The following LLGL1 variants were observed in gnomAD, a reference collection of about 807,000 sequenced individuals.
LLGL1 encodes the protein LLGL scribble cell polarity complex component 1, also known as lethal(2) giant larvae protein homolog 1.
In LLGL1, 58 loss-of-function variants were observed where a neutral mutation model predicts 110.6. The observed-to-expected ratio is 0.52, with a 90% CI of 0.42 to 0.65. The LOEUF is 0.65. Among genes scored for constraint, LLGL1 ranks in the 30% least tolerant of loss-of-function variants. LLGL1 has a pLI of 0.00. For missense variants in LLGL1, 1,229 were observed against 1,462.1 expected, an observed-to-expected ratio of 0.84 and a Z score of 2.60; for synonymous variants, 674 against 607.2, an observed-to-expected ratio of 1.11 and a Z score of -1.62.
rs761027899 is a variant in LLGL1 at position 18,234,918 on chromosome 17, G to A, written c.985G>A (p.Glu329Lys). ...CCACTGTGTAAGTGTGCTTCGAGCC[G>A]AGACATTGGTGACGCTGGACTTCAC... is the stretch of plus-strand genomic sequence containing the variant. ...DRHCVSVLRA[E>K]TLVTLDFTSR... The change falls in exon 9 of 23, where the codon GAG (glutamate) becomes AAG (lysine). Residue 329 changes from glutamate (E) to lysine (K), a missense_variant. Transcript: ENST00000316843. 33 of 1,613,936 alleles carry A rather than the reference G, an allele frequency of 2.0e-5. No homozygotes were observed. Among genetic ancestry groups the A allele is most frequent in the Admixed American group, 3.3e-5 (2 of 59,984 alleles).
intron 22 of LLGL1, among the ~76,000 whole-genome samples, chr17:18,243,380 T>C (rs2047897064): frequency 1.3e-5 from 2 of 152,236 alleles, no homozygotes; most frequent in African/African-American, 2.4e-5. Flanking sequence ...GTCCTGGGAT[T>C]ACAGGCGTGA....
rs1567688670 is a variant in LLGL1 at position 18,234,049 on chromosome 17, C to T, written c.588C>T (p.Gly196=). Residue 196 remains glycine (G), a synonymous_variant, in exon 6 of 23, where the codon GGC becomes GGT. Transcript: ENST00000316843. The stretch of plus-strand genomic sequence containing the variant: ...ACTACCGCTGTGGGAAGGCACTGGG[C>T]CCCGTGGAGTCACTCCAGGGACACC... The part of the protein sequence containing the change: ...PDDYRCGKAL[G]PVESLQGHLR... The T allele has an allele frequency of 2.5e-6, 4 of 1,600,276 alleles. No individual in the cohort carries two copies. Among genetic ancestry groups the T allele is most frequent in the East Asian group, 2.2e-5 (1 of 44,604 alleles).
At position 18,243,998 on chromosome 17, in the gene LLGL1, A is replaced by G. The variant is rs879172892; in HGVS notation, c.*92A>G. 25 of 152,598 alleles carry G rather than the reference A, an allele frequency of 1.6e-4. No individual in the cohort carries two copies. Among genetic ancestry groups the G allele is most frequent in the Admixed American group, 1.1e-3 (17 of 15,294 alleles). The allele number at this position is 152,598 out of a possible 1,614,324, so 9.5% of individuals were successfully genotyped here. ...CTGCCTGGCCCCTTAACATAGAACC[A>G]CGCCTGCTAACCTGTAGGCTCCACT... On this transcript the variant is annotated 3_prime_UTR_variant, in exon 23 of 23. Coordinates refer to ENST00000316843, the MANE Select transcript of LLGL1 (RefSeq NM_004140.4).
At chr17:18,237,861 C>T in intron 14 of LLGL1, 88 bp downstream of exon 14, 2 of 1,436,142 alleles carry the variant, frequency 1.4e-6, no homozygotes, top group South Asian at 2.6e-5. Context: ...TTTGGTGTGG[C>T]AAAGGCCACT....
intron 15 of LLGL1, 95 bp downstream of exon 15, chr17:18,238,309 T>C: frequency 1.3e-6 from 2 of 1,582,652 alleles, no homozygotes; most frequent in Non-Finnish European, 1.7e-6. Flanking sequence ...AGCTCAGTGC[T>C]CCTCCCTCGG....
intron 11 of LLGL1, 122 bp downstream of exon 11, chr17:18,235,659 T>C (rs1441769940): frequency 1.1e-6 from 1 of 908,996 alleles, no homozygotes; most frequent in African/African-American, 1.7e-5. Flanking sequence ...GACCAGGTAG[T>C]TCCTCCTTGC....
At chr17:18,226,485 A>T (rs888670910) in intron 1 of LLGL1, among the ~76,000 whole-genome samples, 1 of 151,978 alleles carries the variant, frequency 6.6e-6, no homozygotes, top group Non-Finnish European at 1.5e-5. Context: ...TCCTTCCCCC[A>T]CTGCTCCAGG....
Position 18,240,838 on chromosome 17 carries a change from C to A in LLGL1, c.2467C>A (p.His823Asn). 6.4e-7 allele frequency: 1 copy of A among 1,559,136 alleles called. No homozygotes were observed. The highest frequency in any genetic ancestry group is 8.7e-7 in the Non-Finnish European group (1 of 1,148,290). The change falls in exon 17 of 23, where the codon CAC becomes AAC. Residue 823 changes from histidine (H) to asparagine (N), a missense_variant. Transcript: ENST00000316843. This position sits in a 1 kb window ranked among gnomAD's most constrained non-coding sequence, Gnocchi z 5.3. ...GCAGGCACCTGACATGCAGGGTGGTCACGCTGTGCTCATCGCATCTGAGGA... is the reference window on the plus strand; with the variant it reads ...GCAGGCACCTGACATGCAGGGTGGTAACGCTGTGCTCATCGCATCTGAGGA... ...LAQAPDMQGG[H>N]AVLIASEEQF...
rs1015175130 is a variant in LLGL1, at chr17:18,230,127, C to G, written c.179+89C>G. On this transcript the variant is annotated intron_variant, in intron 2 of 22. Transcript: ENST00000316843. The stretch of plus-strand genomic sequence containing the variant: ...TCTGGGGTCCCAGTCTTGGCAGTGT[C>G]CAGCTCGAGAGGAGGACAGAGGTGC... 4.9e-6 allele frequency: 5 copies of G among 1,029,640 alleles called. No homozygotes were observed. The African/African-American group carries it at 7.9e-5, about 16-fold the overall frequency. The allele number at this position is 1,029,640 out of a possible 1,614,324, so 63.8% of individuals were successfully genotyped here.
rs574005586 is a variant in LLGL1 at position 18,244,158 on chromosome 17, A to C, written c.*252A>C. ...GCCCTGGGGGCCCACTGCCTAGGGA[A>C]GAGGACAGGTGGGGCCCAGCACCTG... On this transcript the variant is annotated 3_prime_UTR_variant, in exon 23 of 23. Coordinates refer to ENST00000316843, the MANE Select transcript of LLGL1 (RefSeq NM_004140.4). 1 of 152,158 alleles carries C rather than the reference A, an allele frequency of 6.6e-6. No homozygotes were observed. Among genetic ancestry groups the C allele is most frequent in the East Asian group, 1.9e-4 (1 of 5,164 alleles). 9.4% of individuals were successfully genotyped at this position (152,158 alleles called of 1,614,324 possible). A position where few individuals can be genotyped will look rare whatever the true frequency, so the allele number is the denominator to read the frequency against.
At position 18,236,679 on chromosome 17, in the gene LLGL1, A is replaced by G; in HGVS notation, c.1425A>G (p.Thr475=). The change falls in exon 12 of 23, where the codon ACA becomes ACG. Residue 475 remains threonine, a synonymous_variant. Transcript: ENST00000316843. ...TGCGGCCGCTCTATAAGCTGAGCAC[A>G]GCTGGCCTCTTCCAGACAGACTGTG... ...VALRPLYKLS[T]AGLFQTDCEH... 2.5e-6 allele frequency: 4 copies of G among 1,612,912 alleles called. No individual in the cohort carries two copies. The highest frequency in any genetic ancestry group is 2.2e-5 in the East Asian group (1 of 44,874).
intron 1 of LLGL1, among the ~76,000 whole-genome samples, chr17:18,228,826 ACTGAAG>A (rs1336797885): frequency 6.6e-6 from 1 of 152,022 alleles, no homozygotes; most frequent in Non-Finnish European, 1.5e-5. Flanking sequence ...CAGATGAGAG[ACTGAAG>A]CTTGGAGAGT....
chr17:18,233,819 T>C lies in LLGL1; in HGVS notation c.434T>C (p.Val145Ala), dbSNP rs1478042049. The C allele has an allele frequency of 1.2e-6, 2 of 1,613,818 alleles. No individual in the cohort carries two copies. Among genetic ancestry groups the C allele is most frequent in the Non-Finnish European group, 1.7e-6 (2 of 1,179,986 alleles). ...ACCCGAGTCACAGTGGTCCTGCTGG[T>C]GGCTGCCAGCGACATAGCAGCCCTG... is the stretch of plus-strand genomic sequence containing the variant. ...SLTRVTVVLL[V>A]AASDIAALGT... Residue 145 changes from valine to alanine, a missense_variant, in exon 5 of 23, where the codon GTG (valine) becomes GCG (alanine). Transcript: ENST00000316843.
At chr17:18,226,379 G>A (rs2047443623) in intron 1 of LLGL1, among the ~76,000 whole-genome samples, 1 of 152,156 alleles carries the variant, frequency 6.6e-6, no homozygotes, top group Admixed American at 6.5e-5. Flanking sequence ...GGCCCGGTTT[G>A]TTTTGTGCTT....
chr17:18,232,492 C>G lies in LLGL1; in HGVS notation c.180-3C>G. ...TATTTCCACCTTGACCTGCCACCCT[C>G]AGCTATGGTGCACCTGGCGTGGAGT... is the stretch of plus-strand genomic sequence containing the variant. On this transcript the variant is annotated splice_polypyrimidine_tract_variant and splice_region_variant and intron_variant, in intron 2 of 22. Coordinates refer to ENST00000316843, the MANE Select transcript of LLGL1 (RefSeq NM_004140.4). 1.2e-6 allele frequency: 2 copies of G among 1,613,086 alleles called. No homozygotes were observed. The highest frequency in any genetic ancestry group is 4.5e-5 in the East Asian group (2 of 44,858).
intron 20 of LLGL1, 40 bp downstream of exon 20, chr17:18,242,318 G>C: frequency 6.3e-7 from 1 of 1,578,070 alleles, no homozygotes; most frequent in African/African-American, 1.3e-5. Context: ...CTGGCCCCAC[G>C]GTGCCCTGGG....
chr17:18,233,505 T>A (rs2047615643), intron 4 of LLGL1, among the ~76,000 whole-genome samples: 2 of 152,170 alleles, frequency 1.3e-5, no homozygotes, highest in African/African-American at 4.8e-5. Flanking sequence ...AGTGCCCTGG[T>A]TCCTGCTGTC....
rs2047919103 is a variant in LLGL1, at chr17:18,243,961, G to A, written c.*55G>A. 2 of 152,796 alleles carry A rather than the reference G, an allele frequency of 1.3e-5. No individual in the cohort carries two copies. The highest frequency in any genetic ancestry group is 2.9e-5 in the Non-Finnish European group (2 of 68,504). The allele number at this position is 152,796 out of a possible 1,614,324, so 9.5% of individuals were successfully genotyped here. The stretch of plus-strand genomic sequence containing the variant: ...TGCCCTGCTCGGAGCTGGAGTGCTG[G>A]ATCCCTGGCACCTGCCTGGCCCCTT... On this transcript the variant is annotated 3_prime_UTR_variant, in exon 23 of 23. Coordinates refer to ENST00000316843, the MANE Select transcript of LLGL1 (RefSeq NM_004140.4).
At position 18,232,786 on chromosome 17, in the gene LLGL1, G is replaced by A. The variant is rs768529419; in HGVS notation, c.376G>A (p.Gly126Ser). Residue 126 changes from glycine to serine, a missense_variant, in exon 4 of 23, where the codon GGC (glycine) becomes AGC (serine). Physicochemically the swap from Gly to Ser is moderately conservative, Grantham distance 56. Transcript: ENST00000316843. ...ALSFQLPSRP[G>S]FDGASAPLSL... ...CAGTTTCCAGCTGCCCAGCCGGCCC[G>A]GCTTTGATGGTGCCAGGTACTGGAG... 1.8e-5 allele frequency: 29 copies of A among 1,613,826 alleles called. No individual in the cohort carries two copies. Among genetic ancestry groups the A allele is most frequent in the Admixed American group, 1.3e-4 (8 of 60,012 alleles).
Sources: gnomAD v4.1 joint callset for allele counts (sites outside exome capture counted in the v4.1 genomes callset) on GRCh38, gnomAD v4.1.1 for gene constraint, Gnocchi (gnomAD v3.1) non-coding constraint, MANE v1.5 for transcripts, NCBI Gene and HGNC (gene_info 2026-07-23, HGNC 2026-07-21) for gene names.